SATB2: variants seen among roughly 807,000 people sequenced by gnomAD.
SATB2 encodes the protein DNA-binding protein SATB2.
Under a neutral mutation model 73.4 loss-of-function variants are expected in SATB2, and 1 was observed. The ratio of observed to expected loss-of-function variants is 0.01; its 90% CI spans 0.00 to 0.06. The LOEUF (loss-of-function observed/expected upper bound fraction) is 0.06, where lower values mean the gene tolerates loss of function less well. Among genes scored for constraint, SATB2 ranks in the 10% least tolerant of loss-of-function variants. The pLI is 1.00. For missense variants in SATB2, 459 were observed against 945.8 expected (o/e 0.49, Z 6.75); for synonymous variants, 397 against 367.0 (o/e 1.08, Z -0.93).
At chr2:199,305,268 G>T (rs1030988568) in intron 10 of SATB2, among the ~76,000 whole-genome samples, 1 of 152,028 alleles carries the variant, frequency 6.6e-6, no homozygotes, top group Admixed American at 6.6e-5. Flanking sequence ...AAAACTCTGA[G>T]CTTGGATCAC....
intron 5 of SATB2, among the ~76,000 whole-genome samples, chr2:199,375,116 G>A (rs1051627270): frequency 2.6e-5 from 4 of 152,278 alleles, no homozygotes; most frequent in African/African-American, 9.6e-5. Context: ...AGCACCTGGG[G>A]TTTTGCAATC....
At chr2:199,353,985 C>T (rs765307488) in intron 6 of SATB2, among the ~76,000 whole-genome samples, 1 of 152,188 alleles carries the variant, frequency 6.6e-6, no homozygotes, top group Non-Finnish European at 1.5e-5. Context: ...CTGTCTCTGA[C>T]GGTGAAAGCA....
At chr2:199,470,704 A>T (rs1422269978) in intron 1 of SATB2, 3 of 152,290 alleles carry the variant, frequency 2.0e-5, no homozygotes, top group Non-Finnish European at 2.9e-5. Context: ...TCTGCTCCCG[A>T]CTTACCCACC....
chr2:199,417,006 G>A (rs879598585), intron 3 of SATB2, among the ~76,000 whole-genome samples: 93 of 150,550 alleles, frequency 6.2e-4, no homozygotes, highest in Non-Finnish European at 9.6e-4. Flanking sequence ...ACTGCACTCC[G>A]GCCTGGGGGA....
In SATB2 at chr2:199,380,522, C is replaced by G. The variant is rs1348813; in HGVS notation, c.474-35G>C. 1,146,382 of 1,605,626 alleles carry G rather than the reference C, an allele frequency of 0.71. 420,250 individuals carry two copies. Among genetic ancestry groups the G allele is most frequent in the Non-Finnish European group, 0.76 (893,863 of 1,179,136 alleles). ...AGAGCAATAATGAACAATACACAAA[C>G]CTCAACCAGGGTCCCTGACTGAAGA... On this transcript the variant is annotated intron_variant, in intron 4 of 10. Coordinates refer to ENST00000417098, the MANE Select transcript of SATB2 (RefSeq NM_001172509.2).
chr2:199,347,309 T>C (rs1688683277), intron 7 of SATB2: 1 of 152,240 alleles, frequency 6.6e-6, no homozygotes, highest in Non-Finnish European at 1.5e-5. Context: ...TGAACAGGTA[T>C]CAGATAAATG....
At chr2:199,354,708 A>G (rs1229955443) in intron 6 of SATB2, among the ~76,000 whole-genome samples, 1 of 152,196 alleles carries the variant, frequency 6.6e-6, no homozygotes. Flanking sequence ...CCAGAGTTCT[A>G]AGAGGATCTT....
intron 9 of SATB2, among the ~76,000 whole-genome samples, chr2:199,313,641 A>C (rs964119514): frequency 2.0e-5 from 3 of 152,226 alleles, no homozygotes; most frequent in Non-Finnish European, 2.9e-5. Flanking sequence ...GAAAAGTTGC[A>C]TATCAATTTA....
intron 2 of SATB2, among the ~76,000 whole-genome samples, chr2:199,443,198 T>C (rs1691870558): frequency 6.6e-6 from 1 of 152,016 alleles, no homozygotes; most frequent in Admixed American, 6.6e-5. Context: ...TAACATTTAC[T>C]TCAGGTTTTG....
chr2:199,394,414 G>A (rs1056050829), intron 3 of SATB2, among the ~76,000 whole-genome samples: 6 of 152,118 alleles, frequency 3.9e-5, no homozygotes, highest in Non-Finnish European at 7.4e-5. Context: ...AGAGCTTTAA[G>A]ATATAAAACC....
Position 199,293,251 on chromosome 2 carries a change from C to G in SATB2, c.1740+15509G>C, listed in dbSNP as rs140352140. ...AGTATTTCTCCTGTGAGTTTTTCTCCTGTTTTCTTTTTTTCTAGTGATTTG... is the reference window on the plus strand; with the variant it reads ...AGTATTTCTCCTGTGAGTTTTTCTCGTGTTTTCTTTTTTTCTAGTGATTTG... On this transcript the variant is annotated intron_variant, in intron 10 of 10. Coordinates refer to ENST00000417098, the MANE Select transcript of SATB2 (RefSeq NM_001172509.2). 9.5e-4 allele frequency among the ~76,000 whole-genome samples: 144 copies of G among 152,146 alleles called. No individual in the cohort carries two copies. The Middle Eastern group carries it at 0.01, about 11-fold the overall frequency.
At chr2:199,280,558 A>G (rs1692455901) in intron 10 of SATB2, among the ~76,000 whole-genome samples, 1 of 152,172 alleles carries the variant, frequency 6.6e-6, no homozygotes, top group Non-Finnish European at 1.5e-5. Context: ...AACATATCTG[A>G]GAAAGAGAAT....
At chr2:199,300,641 A>G (rs951207654) in intron 10 of SATB2, among the ~76,000 whole-genome samples, 1 of 152,136 alleles carries the variant, frequency 6.6e-6, no homozygotes. Context: ...GATTCCATTT[A>G]CCTATAGGGA....
At chr2:199,323,730 GTATT>G in intron 9 of SATB2, 69 bp downstream of exon 9, 1 of 1,387,014 alleles carries the variant, frequency 7.2e-7, no homozygotes. Context: ...AGGAACAGAT[GTATT>G]TTTATTGGTG....
chr2:199,425,482 CT>C (rs1691299228), intron 3 of SATB2, among the ~76,000 whole-genome samples: 1 of 152,212 alleles, frequency 6.6e-6, no homozygotes, highest in Admixed American at 6.5e-5. Context: ...ACTGATAGGA[CT>C]TTTTTTAGTG....
chr2:199,273,113 C>T (rs554168822), intron 10 of SATB2, among the ~76,000 whole-genome samples: 12 of 152,280 alleles, frequency 7.9e-5, no homozygotes, highest in Non-Finnish European at 1.5e-4. Flanking sequence ...CACTTAATAT[C>T]TTTCAGCCTC....
At chr2:199,313,064 A>G (rs1288488181) in intron 9 of SATB2, among the ~76,000 whole-genome samples, 1 of 152,174 alleles carries the variant, frequency 6.6e-6, no homozygotes, top group African/African-American at 2.4e-5. Flanking sequence ...GTGAAATTAG[A>G]ATAAGGTTTT....
At chr2:199,337,104 A>G (rs1347927603) in intron 7 of SATB2, among the ~76,000 whole-genome samples, 1 of 152,206 alleles carries the variant, frequency 6.6e-6, no homozygotes, top group African/African-American at 2.4e-5. Flanking sequence ...AACTTTAAAT[A>G]TTCAAGACAC....
Position 199,271,676 on chromosome 2 carries a change from G to GT in SATB2, c.*534dup, listed in dbSNP as rs957447534. 3 of 153,016 alleles carry GT rather than the reference G, an allele frequency of 2.0e-5. 1 individual carries two copies. The highest frequency in any genetic ancestry group is 2.0e-4 in the Admixed American group (3 of 15,302). 9.5% of individuals were successfully genotyped at this position (153,016 alleles called of 1,614,324 possible). ...AGCCAAAGCGACTCACTGTGAAGTG[G>GT]TTTTTTTAATACATAAACAAGTCTT... On this transcript the variant is annotated 3_prime_UTR_variant, in exon 11 of 11. Transcript: ENST00000417098.
Sources: allele counts gnomAD v4.1 joint callset (sites outside exome capture counted in the v4.1 genomes callset), GRCh38; gene constraint gnomAD v4.1.1; transcripts MANE v1.5; gene names NCBI Gene and HGNC (gene_info 2026-07-23, HGNC 2026-07-21).